Variants in HS3ST4 observed in about 807,000 individuals in gnomAD.
HS3ST4 encodes the protein heparan sulfate glucosamine 3-O-sulfotransferase 4.
Under a neutral mutation model 29.2 loss-of-function variants are expected in HS3ST4, and 17 were observed. The ratio of observed to expected loss-of-function variants is 0.58; its 90% confidence interval spans 0.40 to 0.87. The LOEUF (loss-of-function observed/expected upper bound fraction) is 0.87, where lower values mean the gene tolerates loss of function less well. HS3ST4 is among the 40% of genes least tolerant of loss of function. HS3ST4 has a pLI of 0.00. For missense variants in HS3ST4, 627 were observed against 634.5 expected (o/e 0.99, Z 0.13); for synonymous variants, 314 against 285.7 (o/e 1.10, Z -1.00).
chr16:25,696,922 T>C (rs946765184), intron 1 of HS3ST4, among the ~76,000 whole-genome samples: 1 of 152,214 alleles, frequency 6.6e-6, no homozygotes, highest in Non-Finnish European at 1.5e-5. Context: ...TGCTGAGATA[T>C]GTAGCAGCAT....
intron 1 of HS3ST4, among the ~76,000 whole-genome samples, chr16:25,919,730 T>C (rs1395254527): frequency 6.6e-6 from 1 of 152,120 alleles, no homozygotes; most frequent in Non-Finnish European, 1.5e-5. Context: ...GACAAGATAG[T>C]GTTTAAAAAG....
intron 1 of HS3ST4, among the ~76,000 whole-genome samples, chr16:25,712,373 T>G (rs1966421357): frequency 6.6e-6 from 1 of 151,996 alleles, no homozygotes; most frequent in Non-Finnish European, 1.5e-5. Flanking sequence ...AATACAAAAA[T>G]TAGCCTGCGT....
intron 1 of HS3ST4, among the ~76,000 whole-genome samples, chr16:25,770,267 A>G (rs533532272): frequency 2.0e-5 from 3 of 152,290 alleles, no homozygotes; most frequent in Admixed American, 6.5e-5. Context: ...GAAAGAAAAC[A>G]TATTCTCCTT....
chr16:25,907,591 G>A (rs1968191892), intron 1 of HS3ST4, among the ~76,000 whole-genome samples: 1 of 152,164 alleles, frequency 6.6e-6, no homozygotes, highest in Non-Finnish European at 1.5e-5. Flanking sequence ...AGCACACAAA[G>A]TGAAGTCAAA....
intron 1 of HS3ST4, among the ~76,000 whole-genome samples, chr16:25,783,137 T>C (rs950851015): frequency 6.6e-6 from 1 of 152,188 alleles, no homozygotes; most frequent in African/African-American, 2.4e-5. Flanking sequence ...TTTCTTTTTA[T>C]TTTGTGGATT....
chr16:25,880,200 T>C (rs1967880215), intron 1 of HS3ST4, among the ~76,000 whole-genome samples: 1 of 152,192 alleles, frequency 6.6e-6, no homozygotes, highest in Non-Finnish European at 1.5e-5. Context: ...TATTAGTCAG[T>C]AGGTTGTTCG....
intron 1 of HS3ST4, among the ~76,000 whole-genome samples, chr16:25,760,042 C>T (rs1454432104): frequency 6.6e-6 from 1 of 152,116 alleles, no homozygotes; most frequent in Non-Finnish European, 1.5e-5. Context: ...AGGTCAATGG[C>T]ATCTCCGGGA....
At chr16:26,013,931 CT>C (rs1166044260) in intron 1 of HS3ST4, among the ~76,000 whole-genome samples, 2 of 151,986 alleles carry the variant, frequency 1.3e-5, no homozygotes, top group Non-Finnish European at 2.9e-5. Flanking sequence ...TCTTTTGAAC[CT>C]GGGAGGCAGA....
At chr16:25,790,384 G>A (rs949758139) in intron 1 of HS3ST4, among the ~76,000 whole-genome samples, 26 of 152,234 alleles carry the variant, frequency 1.7e-4, no homozygotes, top group African/African-American at 5.3e-4. Context: ...ACTCCAGCCC[G>A]GGCAACAGAG....
At chr16:26,005,275 G>A (rs113974920) in intron 1 of HS3ST4, among the ~76,000 whole-genome samples, 24 of 152,266 alleles carry the variant, frequency 1.6e-4, no homozygotes, top group African/African-American at 5.5e-4. Context: ...TCCTGAAAAC[G>A]AAGGTGACTT....
At chr16:25,922,797 A>C (rs1968366525) in intron 1 of HS3ST4, among the ~76,000 whole-genome samples, 1 of 152,222 alleles carries the variant, frequency 6.6e-6, no homozygotes, top group Non-Finnish European at 1.5e-5. Context: ...GTCTCTGAGC[A>C]TGTGTCCTAG....
At position 26,137,064 on chromosome 16, in the gene HS3ST4, G is replaced by A. The variant is rs1374695622; in HGVS notation, c.*816G>A. ...CTCAAAGAGTAGAGTAATTGTAACC[G>A]AGGTCAGAGCTCTGGGGTTGGCAGA... is the stretch of plus-strand genomic sequence containing the variant. On this transcript the variant is annotated 3_prime_UTR_variant, in exon 2 of 2. Transcript: ENST00000331351. The A allele has an allele frequency of 6.6e-6, 1 of 152,024 alleles. No homozygotes were observed. The highest frequency in any genetic ancestry group is 2.4e-5 in the African/African-American group (1 of 41,362). 9.4% of individuals were successfully genotyped at this position (152,024 alleles called of 1,614,324 possible). A position where few individuals can be genotyped will look rare whatever the true frequency, so the allele number is the denominator to read the frequency against.
chr16:25,777,412 A>AGTGTGT lies in HS3ST4; in HGVS notation c.734+84291_734+84296dup, dbSNP rs56191219. ...GGAGATACAGCAGAAAGCACACCAA[A>AGTGTGT]GTGTGTGTGTGTGTGTGTGTGTGTG... On this transcript the variant is annotated intron_variant, in intron 1 of 1. Coordinates refer to ENST00000331351, the MANE Select transcript of HS3ST4 (RefSeq NM_006040.3). Among the ~76,000 whole-genome samples, 1,217 of 147,962 alleles carry AGTGTGT rather than the reference A, an allele frequency of 8.2e-3. 9 individuals carry two copies. Among genetic ancestry groups the AGTGTGT allele is most frequent in the African/African-American group, 0.023 (935 of 40,338 alleles).
intron 1 of HS3ST4, among the ~76,000 whole-genome samples, chr16:25,791,056 A>AT (rs536696272): frequency 1.3e-3 from 191 of 151,736 alleles, no homozygotes; most frequent in African/African-American, 4.4e-3. Context: ...TATATGATTG[A>AT]TTTTTTTTAT....
intron 1 of HS3ST4, among the ~76,000 whole-genome samples, chr16:26,112,325 C>T (rs1487188945): frequency 6.7e-6 from 1 of 149,828 alleles, no homozygotes; most frequent in Non-Finnish European, 1.5e-5. Flanking sequence ...ATCACTAAAA[C>T]TCCAGAAGTG....
At chr16:25,964,330 C>G (rs545744929) in intron 1 of HS3ST4, among the ~76,000 whole-genome samples, 123 of 152,220 alleles carry the variant, frequency 8.1e-4, no homozygotes, top group African/African-American at 2.9e-3. Flanking sequence ...CTCAGCAACA[C>G]ACACTATACT....
At chr16:25,866,843 T>C (rs1219702690) in intron 1 of HS3ST4, among the ~76,000 whole-genome samples, 2 of 152,004 alleles carry the variant, frequency 1.3e-5, no homozygotes, top group Non-Finnish European at 2.9e-5. Flanking sequence ...ACAGAAACAT[T>C]TGCCTATTTT....
chr16:26,025,754 A>C (rs1234290622), intron 1 of HS3ST4, among the ~76,000 whole-genome samples: 2 of 152,084 alleles, frequency 1.3e-5, no homozygotes, highest in Non-Finnish European at 2.9e-5. Context: ...CTTAGCAACA[A>C]CACCACCCTT....
At chr16:25,782,465 T>C (rs904656366) in intron 1 of HS3ST4, among the ~76,000 whole-genome samples, 8 of 152,244 alleles carry the variant, frequency 5.3e-5, no homozygotes, top group Admixed American at 2.6e-4. Flanking sequence ...TCTCTCTAGC[T>C]CATGCTTGCA....
Sources: allele counts gnomAD v4.1 joint callset (sites outside exome capture counted in the v4.1 genomes callset), GRCh38; gene constraint gnomAD v4.1.1; transcripts MANE v1.5; gene names NCBI Gene and HGNC (gene_info 2026-07-23, HGNC 2026-07-21).